Variants in SAMMSON observed in about 807,000 individuals in gnomAD.
The protein encoded by SAMMSON is long intergenic non-protein coding RNA 1212.
chr3:70,317,851 C>T (rs1221295582), intron 7 of SAMMSON, among the ~76,000 whole-genome samples: 1 of 151,724 alleles, frequency 6.6e-6, no homozygotes, highest in Non-Finnish European at 1.5e-5. Flanking sequence ...GACAAACCCT[C>T]TTAAGCTTTC....
chr3:70,287,840 T>G (rs1346552490), intron 6 of SAMMSON, among the ~76,000 whole-genome samples: 1 of 151,678 alleles, frequency 6.6e-6, no homozygotes, highest in African/African-American at 2.4e-5. Flanking sequence ...TCTAGTTTAT[T>G]TGCGTAGAGG....
At chr3:70,359,276 C>G (rs1319912771) in intron 9 of SAMMSON, among the ~76,000 whole-genome samples, 1 of 151,978 alleles carries the variant, frequency 6.6e-6, no homozygotes, top group Non-Finnish European at 1.5e-5. Context: ...TGAAGAAGCC[C>G]AAGTACTCAA....
chr3:70,422,835 G>GA (rs1701323189), intron 2 of SAMMSON, among the ~76,000 whole-genome samples: 1 of 151,846 alleles, frequency 6.6e-6, no homozygotes. Flanking sequence ...TGATATCTTT[G>GA]AAAATAATAT....
At chr3:70,319,441 A>G (rs9811939) in intron 7 of SAMMSON, among the ~76,000 whole-genome samples, 16,682 of 152,002 alleles carry the variant, frequency 0.11, 1,346 homozygotes, top group East Asian at 0.47. Flanking sequence ...ATGCAAGTCC[A>G]GTGTATTCTA....
At chr3:70,127,773 C>G (rs2067465555) in intron 4 of SAMMSON, 1 of 152,200 alleles carries the variant, frequency 6.6e-6, no homozygotes, top group African/African-American at 2.4e-5. Context: ...TCTCAAGTAG[C>G]TGGGACTACA....
intron 6 of SAMMSON, among the ~76,000 whole-genome samples, chr3:70,256,532 C>T (rs1701818021): frequency 6.6e-6 from 1 of 152,070 alleles, no homozygotes; most frequent in African/African-American, 2.4e-5. Context: ...GTATTGAAAC[C>T]CTAGTGACTT....
intron 4 of SAMMSON, among the ~76,000 whole-genome samples, chr3:70,186,225 C>A (rs896364041): frequency 5.9e-5 from 9 of 151,438 alleles, no homozygotes; most frequent in South Asian, 2.1e-4. Context: ...ATAAAAAAAA[C>A]AAATCTCAGT....
At chr3:70,392,711 C>T (rs1701060397), downstream of SAMMSON, among the ~76,000 whole-genome samples, 1 of 152,042 alleles carries the variant, frequency 6.6e-6, no homozygotes, top group Non-Finnish European at 1.5e-5. Flanking sequence ...TTCTGGCATC[C>T]CCATCTATAA....
intron 6 of SAMMSON, among the ~76,000 whole-genome samples, chr3:70,258,782 A>C (rs907817816): frequency 9.2e-5 from 14 of 152,198 alleles, no homozygotes; most frequent in African/African-American, 2.4e-4. Flanking sequence ...CCTTGCAAAA[A>C]GTGTTATTTA....
downstream of SAMMSON, among the ~76,000 whole-genome samples, chr3:70,394,316 C>T (rs1387905672): frequency 6.6e-6 from 1 of 152,072 alleles, no homozygotes; most frequent in Non-Finnish European, 1.5e-5. Flanking sequence ...TTGGGTGGAT[C>T]CTGGCATTTT....
chr3:70,404,987 A>T (rs1701167546), intron 2 of SAMMSON, among the ~76,000 whole-genome samples: 1 of 152,202 alleles, frequency 6.6e-6, no homozygotes, highest in African/African-American at 2.4e-5. Flanking sequence ...CCATGAGGCC[A>T]GCAAAACCAA....
intron 4 of SAMMSON, among the ~76,000 whole-genome samples, chr3:70,232,796 T>C (rs1257855667): frequency 1.3e-5 from 2 of 152,186 alleles, no homozygotes; most frequent in African/African-American, 4.8e-5. Flanking sequence ...CTTACTGGGT[T>C]GGAGATTTTC....
At chr3:70,427,607 G>A (rs183816917) in intron 2 of SAMMSON, among the ~76,000 whole-genome samples, 246 of 152,058 alleles carry the variant, frequency 1.6e-3, no homozygotes, top group African/African-American at 5.6e-3. Context: ...GCATGGTGGC[G>A]CGCGCCTGTA....
intron 2 of SAMMSON, among the ~76,000 whole-genome samples, chr3:70,408,767 C>T (rs1575643355): frequency 6.6e-6 from 1 of 152,190 alleles, no homozygotes; most frequent in Admixed American, 6.5e-5. Flanking sequence ...TCCAAAGTCG[C>T]TTCCACATTT....
intron 3 of SAMMSON, among the ~76,000 whole-genome samples, chr3:70,043,437 A>T (rs2067113054): frequency 6.6e-6 from 1 of 152,126 alleles, no homozygotes; most frequent in Admixed American, 6.6e-5. Context: ...TTTTACTTAA[A>T]ATACACGTAC....
intron 6 of SAMMSON, among the ~76,000 whole-genome samples, chr3:70,250,834 G>A (rs1280729946): frequency 6.6e-6 from 1 of 152,058 alleles, no homozygotes; most frequent in African/African-American, 2.4e-5. Context: ...TTCTTTTCAG[G>A]GAAAGCCAGG....
intron 1 of SAMMSON, among the ~76,000 whole-genome samples, chr3:70,005,775 A>G (rs905001903): frequency 4.6e-5 from 7 of 152,208 alleles, no homozygotes; most frequent in African/African-American, 9.6e-5. Context: ...ACCAGAACAC[A>G]TTGCTTCTTT....
chr3:70,332,824 G>A (rs1213248047), intron 7 of SAMMSON: 3 of 152,326 alleles, frequency 2.0e-5, no homozygotes, highest in East Asian at 3.9e-4. Flanking sequence ...TCGATCTCCT[G>A]ACCTCGTGAT....
intron 6 of SAMMSON, among the ~76,000 whole-genome samples, chr3:70,280,387 C>T (rs12634491): frequency 0.066 from 10,110 of 152,168 alleles, 389 homozygotes; most frequent in East Asian, 0.16. Flanking sequence ...ACCTGACATT[C>T]TGGGTGGCCA....
Sources: allele counts gnomAD v4.1 joint callset (sites outside exome capture counted in the v4.1 genomes callset), GRCh38; gene constraint gnomAD v4.1.1; transcripts MANE v1.5; gene names NCBI Gene and HGNC (gene_info 2026-07-23, HGNC 2026-07-21).